Variants in MAP3K15 observed in about 807,000 individuals in gnomAD.
MAP3K15 encodes the protein mitogen-activated protein kinase kinase kinase 15.
MAP3K15 carries 124 observed loss-of-function variants against 99.5 expected under a neutral mutation model. The observed-to-expected ratio is 1.25, with a 90% confidence interval of 1.08 to 1.45. The LOEUF (loss-of-function observed/expected upper bound fraction) is 1.45, where lower values mean the gene tolerates loss of function less well. Ranked by LOEUF, MAP3K15 falls within the 40% of genes most tolerant of loss-of-function variation. MAP3K15 has a pLI of 0.00. For missense variants in MAP3K15, 1,242 were observed against 1,079.7 expected (o/e 1.15, Z -2.11); for synonymous variants, 494 against 439.6 (o/e 1.12, Z -1.55).
At chrX:19,406,711 A>AT (rs980907364) in intron 13 of MAP3K15, among the ~76,000 whole-genome samples, 17 of 112,724 alleles carry the variant, frequency 1.5e-4, no homozygotes, top group Middle Eastern at 4.6e-3. Context: ...TATGTTATTT[A>AT]TTTTTTTGAA....
At chrX:19,467,572 G>T (rs1175622481) in intron 3 of MAP3K15, among the ~76,000 whole-genome samples, 1 of 110,057 alleles carries the variant, frequency 9.1e-6, no homozygotes, top group Admixed American at 9.8e-5. Flanking sequence ...TTAGAGACCA[G>T]CCTGGCCAAC....
intron 3 of MAP3K15, among the ~76,000 whole-genome samples, chrX:19,467,990 G>A (rs1041198655): frequency 1.8e-5 from 2 of 111,722 alleles, no homozygotes; most frequent in Non-Finnish European, 3.8e-5. Flanking sequence ...CACTCACAGA[G>A]CAGAGTGTCA....
At position 19,380,286 on chromosome X, in the gene MAP3K15, AAAAC is replaced by A. The variant is rs777331198; in HGVS notation, c.2432-13_2432-10del. 3 of 1,207,124 alleles carry A rather than the reference AAAAC, an allele frequency of 2.5e-6. No homozygotes were observed. The highest frequency in any genetic ancestry group is 2.2e-6 in the Non-Finnish European group (2 of 893,714). On this transcript the variant is annotated splice_polypyrimidine_tract_variant and intron_variant, in intron 18 of 28. Coordinates refer to ENST00000338883, the MANE Select transcript of MAP3K15 (RefSeq NM_001001671.4). ...CATGTACTGCAGGGTGCCTATTTGG[AAAAC>A]AAACAAACAGGCTGTGGGTACCATA...
chrX:19,371,954 G>A (rs1156229408), intron 22 of MAP3K15, among the ~76,000 whole-genome samples: 1 of 110,098 alleles, frequency 9.1e-6, no homozygotes, highest in African/African-American at 3.3e-5. Context: ...CCAACAAGGC[G>A]AAACCCCATC....
At chrX:19,501,350 G>A (rs1208735896) in intron 1 of MAP3K15, among the ~76,000 whole-genome samples, 2 of 111,871 alleles carry the variant, frequency 1.8e-5, no homozygotes, top group African/African-American at 6.5e-5. Flanking sequence ...AAAAAGAACC[G>A]GTATTCCATT....
At position 19,372,782 on chromosome X, in the gene MAP3K15, C is replaced by T. The variant is rs150181853; in HGVS notation, c.2979G>A (p.Ser993=). The change falls in exon 22 of 29, where the codon TCG becomes TCA. Residue 993 remains serine (S), a synonymous_variant. Transcript: ENST00000338883. ...SSALEDRGLA[S]SPEDRDQGLF... is the part of the protein sequence containing the mutation. ...GGCCCTGGTCCCTGTCCTCCGGGGA[C>T]GAGGCCAAGCCCCGGTCTTCCAAGG... 1.6e-5 allele frequency: 19 copies of T among 1,211,159 alleles called. No homozygotes were observed. Among genetic ancestry groups the T allele is most frequent in the South Asian group, 7.0e-5 (4 of 56,918 alleles).
intron 26 of MAP3K15, among the ~76,000 whole-genome samples, chrX:19,362,489 C>T (rs375406988): frequency 1.8e-5 from 2 of 110,801 alleles, no homozygotes; most frequent in East Asian, 5.7e-4. Context: ...CTAGCCTCAG[C>T]CTCCCAGAGT....
intron 9 of MAP3K15, among the ~76,000 whole-genome samples, chrX:19,420,513 A>G (rs923154200): frequency 2.7e-5 from 3 of 111,671 alleles, no homozygotes; most frequent in African/African-American, 9.8e-5. Context: ...TGAATAGACC[A>G]ATAACAGGCT....
intron 9 of MAP3K15, among the ~76,000 whole-genome samples, chrX:19,418,114 A>C (rs1007349609): frequency 1.3e-4 from 15 of 112,035 alleles, no homozygotes; most frequent in Non-Finnish European, 1.9e-5. Flanking sequence ...GAAAAACTGG[A>C]AACTCTAAAA....
chrX:19,413,677 T>TGGG (rs377184850), intron 10 of MAP3K15, among the ~76,000 whole-genome samples: 16 of 15,857 alleles, frequency 1.0e-3, no homozygotes, highest in African/African-American at 4.8e-3. Context: ...TGCCATCTCT[T>TGGG]GGGGGGGGGG....
chrX:19,408,407 T>G (rs1344084331), intron 12 of MAP3K15: 1 of 115,478 alleles, frequency 8.7e-6, no homozygotes, highest in Non-Finnish European at 1.8e-5. Flanking sequence ...AATCCTAGCA[T>G]TTTGGGAGGC....
At position 19,371,080 on chromosome X, in the gene MAP3K15, A is replaced by T; in HGVS notation, c.3295-16T>A. ...TTTTATTTACCTAAAAAAAAAAAAA[A>T]TAATAAAATAAACTAAAATCACAAA... On this transcript the variant is annotated splice_polypyrimidine_tract_variant and intron_variant, in intron 23 of 28. Coordinates refer to ENST00000338883, the MANE Select transcript of MAP3K15 (RefSeq NM_001001671.4). 1 of 1,037,933 alleles carries T rather than the reference A, an allele frequency of 9.6e-7. No individual in the cohort carries two copies. The highest frequency in any genetic ancestry group is 1.3e-6 in the Non-Finnish European group (1 of 778,198). The allele number at this position is 1,037,933 out of a possible 1,213,427, so 85.5% of individuals were successfully genotyped here.
chrX:19,502,359 A>G, intron 1 of MAP3K15, among the ~76,000 whole-genome samples: 1 of 111,230 alleles, frequency 9.0e-6, no homozygotes, highest in East Asian at 2.9e-4. Context: ...TTCTCATGAC[A>G]GTGAGGAAGT....
rs933553910 is a variant in MAP3K15, at chrX:19,360,068, C to G, written c.*681G>C. The stretch of plus-strand genomic sequence containing the variant: ...GCGCTGACCATTTCTCTACAAGATA[C>G]AATATTTATTATCAGGCAAGAGGAC... On this transcript the variant is annotated 3_prime_UTR_variant, in exon 29 of 29. Coordinates refer to ENST00000338883, the MANE Select transcript of MAP3K15 (RefSeq NM_001001671.4). 3 of 189,574 alleles carry G rather than the reference C, an allele frequency of 1.6e-5. No individual in the cohort carries two copies. In the Admixed American group the frequency reaches 2.1e-4, roughly 14 times the overall value. The allele number at this position is 189,574 out of a possible 1,213,427, so 15.6% of individuals were successfully genotyped here.
Position 19,413,342 on chromosome X carries a change from A to AT in MAP3K15, c.1698+14dup, listed in dbSNP as rs1186838373. Reference sequence around the variant, plus strand: ...TTGAAAACTGATTAAATTGCTTGTGATTTTTCCTCCTTACCATTTCTGTGG... The same window carrying AT: ...TTGAAAACTGATTAAATTGCTTGTGATTTTTTCCTCCTTACCATTTCTGTGG... On this transcript the variant is annotated intron_variant, in intron 11 of 28. Transcript: ENST00000338883. The AT allele has an allele frequency of 8.6e-7, 1 of 1,160,163 alleles. No homozygotes were observed. Among genetic ancestry groups the AT allele is most frequent in the East Asian group, 3.0e-5 (1 of 33,198 alleles).
chrX:19,374,465 G>T lies in MAP3K15; in HGVS notation c.2773+12C>A. 3 of 1,206,286 alleles carry T rather than the reference G, an allele frequency of 2.5e-6. No homozygotes were observed. Among genetic ancestry groups the T allele is most frequent in the Non-Finnish European group, 3.4e-6 (3 of 891,725 alleles). ...GCCAGGGTGCTGCCCCAGCTGTCCA[G>T]GGAGGCCTCACCTGAGGGCTTGAAG... is the stretch of plus-strand genomic sequence containing the variant. On this transcript the variant is annotated intron_variant, in intron 20 of 28. Transcript: ENST00000338883.
In MAP3K15 at chrX:19,464,276, G is replaced by A. The variant is rs1409189023; in HGVS notation, c.656C>T (p.Pro219Leu). The change falls in exon 4 of 29, where the codon CCG (proline) becomes CTG (leucine). Residue 219 changes from proline (P) to leucine (L), a missense_variant. Pro to Leu is a moderately conservative substitution (Grantham distance 98, BLOSUM62 -3). Coordinates refer to ENST00000338883, the MANE Select transcript of MAP3K15 (RefSeq NM_001001671.4). Reference sequence around the variant, plus strand: ...CCTGTCCACCAAAGGCATGCACAGCGGGCCCAGGATGTTGTCCCAGTTGGG... The same window carrying A: ...CCTGTCCACCAAAGGCATGCACAGCAGGCCCAGGATGTTGTCCCAGTTGGG... The part of the protein sequence containing the change: ...MQPNWDNILG[P>L]LCMPLVDRFI... 5.0e-6 allele frequency: 6 copies of A among 1,200,118 alleles called. No individual in the cohort carries two copies. In the East Asian group the frequency reaches 8.9e-5, roughly 18 times the overall value.
intron 12 of MAP3K15, among the ~76,000 whole-genome samples, chrX:19,409,658 C>A (rs775009888): frequency 3.3e-4 from 37 of 111,679 alleles, no homozygotes; most frequent in African/African-American, 1.2e-3. Flanking sequence ...TCCTACCGAT[C>A]ACTTCTTTAA....
intron 19 of MAP3K15, 47 bp from the exon 20 acceptor site, chrX:19,374,707 G>A: frequency 9.1e-7 from 1 of 1,104,731 alleles, no homozygotes; most frequent in Middle Eastern, 2.5e-4. Context: ...GGCCTTGGGT[G>A]AATTCAGGTA....
Sources: gnomAD v4.1 joint callset for allele counts (sites outside exome capture counted in the v4.1 genomes callset) on GRCh38, gnomAD v4.1.1 for gene constraint, MANE v1.5 for transcripts, NCBI Gene and HGNC (gene_info 2026-07-23, HGNC 2026-07-21) for gene names.